MINDY1: variants seen among roughly 807,000 people sequenced by gnomAD.
MINDY1 encodes ubiquitin carboxyl-terminal hydrolase MINDY-1.
Under a neutral mutation model 53.6 loss-of-function variants are expected in MINDY1, and 50 were observed. That is an observed-to-expected ratio of 0.93 (90% confidence interval 0.74 to 1.18). The LOEUF (loss-of-function observed/expected upper bound fraction) is 1.18, where lower values mean the gene tolerates loss of function less well. Among genes scored for constraint, MINDY1 ranks in the 50% most tolerant of loss-of-function variants. MINDY1 has a pLI of 0.00. For synonymous variants in MINDY1, 231 were observed against 234.7 expected, an observed-to-expected ratio of 0.98 and a Z score of 0.14; for missense variants, 484 against 578.6, an observed-to-expected ratio of 0.84 and a Z score of 1.68.
At chr1:151,006,040 G>C in intron 1 of MINDY1, 2 of 1,543,838 alleles carry the variant, frequency 1.3e-6, no homozygotes, top group Non-Finnish European at 1.8e-6. Flanking sequence ...GCAATCAATA[G>C]TTTAGATTTT....
Position 150,998,407 on chromosome 1 carries a change from T to C in MINDY1, c.982-134A>G, listed in dbSNP as rs1031602532. ...TCTCGCTCTGTCATCCAGGCTGGAG[T>C]GCAGTGGCACAATCTCTGCTCACCG... is the stretch of plus-strand genomic sequence containing the variant. On this transcript the variant is annotated intron_variant, in intron 7 of 9. Transcript: ENST00000683666. The C allele has an allele frequency of 6.3e-6, 5 of 790,790 alleles. No homozygotes were observed. The African/African-American group carries it at 8.7e-5, about 14-fold the overall frequency. 49.0% of individuals were successfully genotyped at this position (790,790 alleles called of 1,614,324 possible). A position where few individuals can be genotyped will look rare whatever the true frequency, so the allele number is the denominator to read the frequency against.
rs1294256717 is a variant in MINDY1 at position 151,001,274 on chromosome 1, C to G, written c.552G>C (p.Glu184Asp). Residue 184 changes from glutamate to aspartate, a missense_variant, in exon 4 of 10, where the codon GAG (glutamate) becomes GAC (aspartate). Physicochemically the swap from Glu to Asp is conservative, Grantham distance 45. Coordinates refer to ENST00000683666, the MANE Select transcript of MINDY1 (RefSeq NM_001376665.1). Reference sequence around the variant, plus strand: ...CCTGCTGAAAATTAAGCTGAAGTCCCTCTGACTTCTCCTGGGGCTTGATGG... The same window carrying G: ...CCTGCTGAAAATTAAGCTGAAGTCCGTCTGACTTCTCCTGGGGCTTGATGG... The part of the protein sequence containing the change: ...LLSIKPQEKS[E>D]GLQLNFQQNV... The G allele has an allele frequency of 1.9e-6, 3 of 1,614,062 alleles. No individual in the cohort carries two copies. Among genetic ancestry groups the G allele is most frequent in the East Asian group, 2.2e-5 (1 of 44,902 alleles).
rs1351515531 is a variant in MINDY1, at chr1:150,999,447, C to T, written c.903G>A (p.Glu301=). 4 of 1,614,058 alleles carry T rather than the reference C, an allele frequency of 2.5e-6. No individual in the cohort carries two copies. The highest frequency in any genetic ancestry group is 1.3e-5 in the African/African-American group (1 of 74,908). Reference sequence around the variant, plus strand: ...CACCCTCCTTAGCAGCTGCTGTCAGCTCACACAGTCCGTGGTAGGTCAGCT... The same window carrying T: ...CACCCTCCTTAGCAGCTGCTGTCAGTTCACACAGTCCGTGGTAGGTCAGCT... ...AAQLTYHGLC[E]LTAAAKEGEL... is the part of the protein sequence containing the mutation. The change falls in exon 7 of 10, where the codon GAG becomes GAA. Residue 301 remains glutamate (E), a synonymous_variant. Transcript: ENST00000683666. This position sits in a 1 kb window ranked among gnomAD's most constrained non-coding sequence, Gnocchi z 4.4.
At position 151,000,619 on chromosome 1, in the gene MINDY1, G is replaced by A. The variant is rs1672446293; in HGVS notation, c.577-4C>T. On this transcript the variant is annotated splice_polypyrimidine_tract_variant and splice_region_variant and intron_variant, in intron 4 of 9. Transcript: ENST00000683666. ...CTGTCATTGCATCATCCACATTCTG[G>A]GGGTAGAAAAAAAAATGATGGAGAT... The A allele has an allele frequency of 3.1e-6, 5 of 1,599,222 alleles. No individual in the cohort carries two copies. The highest frequency in any genetic ancestry group is 4.3e-6 in the Non-Finnish European group (5 of 1,174,400).
chr1:150,998,040 G>A (rs1473781560), intron 8 of MINDY1, 42 bp downstream of exon 8: 6 of 1,557,354 alleles, frequency 3.9e-6, no homozygotes, highest in Admixed American at 1.9e-5. Context: ...AGCTCTCTGA[G>A]GCACATGTGC....
Position 151,001,789 on chromosome 1 carries a change from G to A in MINDY1, c.454-7C>T, listed in dbSNP as rs1162955461. 2.5e-6 allele frequency: 4 copies of A among 1,591,354 alleles called. No individual in the cohort carries two copies. The highest frequency in any genetic ancestry group is 3.4e-6 in the Non-Finnish European group (4 of 1,173,436). On this transcript the variant is annotated splice_region_variant and splice_polypyrimidine_tract_variant and intron_variant, in intron 2 of 9. Coordinates refer to ENST00000683666, the MANE Select transcript of MINDY1 (RefSeq NM_001376665.1). ...TCTGCGGGGGGAGCTTCACCTGGAGGCAGAAGGGGTGATCACGTGTGTGCT... is the reference window on the plus strand; with the variant it reads ...TCTGCGGGGGGAGCTTCACCTGGAGACAGAAGGGGTGATCACGTGTGTGCT...
rs147862367 is a variant in MINDY1 at position 151,002,543 on chromosome 1, A to G, written c.75T>C (p.His25=). 132 of 1,614,088 alleles carry G rather than the reference A, an allele frequency of 8.2e-5. No homozygotes were observed. In the African/African-American group the frequency reaches 1.7e-3, roughly 21 times the overall value. The change falls in exon 2 of 10, where the codon CAT becomes CAC. Residue 25 remains histidine (H), a synonymous_variant. Transcript: ENST00000683666. The surrounding 1 kb of genome is among the most constrained non-coding windows in gnomAD (Gnocchi z 4.1). ...GTAEAVIPEN[H]EVLAGPDEHP... The stretch of plus-strand genomic sequence containing the variant: ...GCTCATCTGGGCCTGCCAGAACCTC[A>G]TGGTTTTCAGGGATGACTGCTTCTG...
intron 5 of MINDY1, among the ~76,000 whole-genome samples, 175 bp from the exon 6 acceptor site, chr1:151,000,139 G>A (rs1336962388): frequency 1.3e-5 from 2 of 151,770 alleles, no homozygotes; most frequent in Admixed American, 1.3e-4. Context: ...TTCATCATAG[G>A]GTTGCTATGT....
Position 151,001,886 on chromosome 1 carries a change from G to A in MINDY1, c.454-104C>T, listed in dbSNP as rs1672626281. 1.0e-5 allele frequency: 13 copies of A among 1,279,984 alleles called. No homozygotes were observed. The South Asian group carries it at 1.8e-4, about 18-fold the overall frequency. 79.3% of individuals were successfully genotyped at this position (1,279,984 alleles called of 1,614,324 possible). A position where few individuals can be genotyped will look rare whatever the true frequency, so the allele number is the denominator to read the frequency against. ...GAGCTCCAGTAGTAGGGTGGGGTAG[G>A]AAAAAAGGCTTGCAACTGGCACAAG... is the stretch of plus-strand genomic sequence containing the variant. On this transcript the variant is annotated intron_variant, in intron 2 of 9. Transcript: ENST00000683666.
At chr1:151,008,208 A>C, upstream of MINDY1, 1 of 1,096,484 alleles carries the variant, frequency 9.1e-7, no homozygotes. Context: ...CTGAGAGGGA[A>C]AGTTCAGATG....
intron 5 of MINDY1, among the ~76,000 whole-genome samples, 195 bp downstream of exon 5, chr1:151,000,262 A>C (rs1357237322): frequency 6.6e-6 from 1 of 152,116 alleles, no homozygotes; most frequent in Non-Finnish European, 1.5e-5. Context: ...ATTTGCATGT[A>C]GTTTGCTTGT....
In MINDY1 at chr1:151,005,477, A is replaced by G. The variant is rs587757718; in HGVS notation, c.-90+835T>C. Among the ~76,000 whole-genome samples the G allele has an allele frequency of 9.9e-5, 15 of 152,024 alleles. No homozygotes were observed. In the East Asian group the frequency reaches 2.7e-3, roughly 27 times the overall value. On this transcript the variant is annotated intron_variant, in intron 1 of 9. Transcript: ENST00000683666. ...TCCAAAAAAAAAAAGAAAAAAAGAA[A>G]AAAAAAAAAGAAAAGCAGGCCTTAT...
In MINDY1 at chr1:151,002,753, A is replaced by C; in HGVS notation, c.-89-47T>G. On this transcript the variant is annotated intron_variant, in intron 1 of 9. Coordinates refer to ENST00000683666, the MANE Select transcript of MINDY1 (RefSeq NM_001376665.1). The surrounding 1 kb of genome is among the most constrained non-coding windows in gnomAD (Gnocchi z 4.1). ...AGTGGGCTGGAAAGCAAACTAACCC[A>C]GAAAAGTCTTGGAAAAGGAATGTAG... The C allele has an allele frequency of 2.0e-6, 3 of 1,509,326 alleles. No individual in the cohort carries two copies. Among genetic ancestry groups the C allele is most frequent in the Non-Finnish European group, 1.8e-6 (2 of 1,127,236 alleles). 93.5% of individuals were successfully genotyped at this position (1,509,326 alleles called of 1,614,324 possible). A position where few individuals can be genotyped will look rare whatever the true frequency, so the allele number is the denominator to read the frequency against.
chr1:150,997,347 T>C lies in MINDY1; in HGVS notation c.1350A>G (p.Gly450=). The change falls in exon 10 of 10, where the codon GGA becomes GGG. Residue 450 remains glycine (G), a synonymous_variant. Coordinates refer to ENST00000683666, the MANE Select transcript of MINDY1 (RefSeq NM_001376665.1). ...LSLQGRGATS[G]RPAGERRQRP... The stretch of plus-strand genomic sequence containing the variant: ...TCTGCCGACGCTCCCCGGCTGGGCG[T>C]CCAGATGTGGCTCCTCTCCCCTGTA... 2 of 1,602,152 alleles carry C rather than the reference T, an allele frequency of 1.2e-6. No homozygotes were observed. Among genetic ancestry groups the C allele is most frequent in the South Asian group, 2.2e-5 (2 of 89,092 alleles).
At chr1:151,005,058 T>TC (rs201023306) in intron 1 of MINDY1, among the ~76,000 whole-genome samples, 2,869 of 152,256 alleles carry the variant, frequency 0.019, 81 homozygotes, top group African/African-American at 0.061. Context: ...TGCTTTTTTT[T>TC]CTCTCTCTTT....
chr1:151,004,647 T>C (rs923814137), intron 1 of MINDY1, among the ~76,000 whole-genome samples: 7 of 151,814 alleles, frequency 4.6e-5, no homozygotes, highest in Non-Finnish European at 1.0e-4. Context: ...GGAGAATTGC[T>C]TGAACCTGGG....
Position 151,002,674 on chromosome 1 carries a change from G to A in MINDY1, c.-57C>T, listed in dbSNP as rs1364668313. 2 of 1,612,662 alleles carry A rather than the reference G, an allele frequency of 1.2e-6. No individual in the cohort carries two copies. Among genetic ancestry groups the A allele is most frequent in the African/African-American group, 2.7e-5 (2 of 75,004 alleles). Reference sequence around the variant, plus strand: ...AGGTGTTTACTAACCTCAGGGACTTGCCTAAGCCAGGCTTGGGATGCAAAA... The same window carrying A: ...AGGTGTTTACTAACCTCAGGGACTTACCTAAGCCAGGCTTGGGATGCAAAA... On this transcript the variant is annotated 5_prime_UTR_variant, in exon 2 of 10. Coordinates refer to ENST00000683666, the MANE Select transcript of MINDY1 (RefSeq NM_001376665.1). The surrounding 1 kb of genome is among the most constrained non-coding windows in gnomAD (Gnocchi z 4.1).
chr1:151,006,399 T>C lies in MINDY1; in HGVS notation c.-177A>G. 1 of 1,339,536 alleles carries C rather than the reference T, an allele frequency of 7.5e-7. No individual in the cohort carries two copies. The highest frequency in any genetic ancestry group is 9.6e-7 in the Non-Finnish European group (1 of 1,041,590). 83.0% of individuals were successfully genotyped at this position (1,339,536 alleles called of 1,614,324 possible). A position where few individuals can be genotyped will look rare whatever the true frequency, so the allele number is the denominator to read the frequency against. On this transcript the variant is annotated 5_prime_UTR_variant, in exon 1 of 10. Coordinates refer to ENST00000683666, the MANE Select transcript of MINDY1 (RefSeq NM_001376665.1). ...GGGAGATAGGTGCAATGAAGGGGGC[T>C]GCCAGTGCCAGCTGCCTTCCAGCTG...
chr1:151,000,602 G>A lies in MINDY1; in HGVS notation c.590C>T (p.Ala197Val). 6.2e-7 allele frequency: 1 copy of A among 1,610,782 alleles called. No individual in the cohort carries two copies. The highest frequency in any genetic ancestry group is 8.5e-7 in the Non-Finnish European group (1 of 1,179,024). Residue 197 changes from alanine (A) to valine (V), a missense_variant, in exon 5 of 10, where the codon GCA (alanine) becomes GTA (valine). Physicochemically the swap from Ala to Val is moderately conservative, Grantham distance 64. Transcript: ENST00000683666. The stretch of plus-strand genomic sequence containing the variant: ...GGCCAGTTTAGGCAGCACTGTCATT[G>A]CATCATCCACATTCTGGGGGTAGAA... Reference protein sequence around the residue: ...QLNFQQNVDDAMTVLPKLATG... With the variant: ...QLNFQQNVDDVMTVLPKLATG...
Sources: gnomAD v4.1 joint callset for allele counts (sites outside exome capture counted in the v4.1 genomes callset) on GRCh38, gnomAD v4.1.1 for gene constraint, Gnocchi (gnomAD v3.1) non-coding constraint, MANE v1.5 for transcripts, NCBI Gene and HGNC (gene_info 2026-07-23, HGNC 2026-07-21) for gene names.